Variants in AKAP11 observed in about 807,000 individuals in gnomAD.
The protein encoded by AKAP11 is A-kinase anchoring protein 11.
Under a neutral mutation model 146.1 loss-of-function variants are expected in AKAP11, and 36 were observed. The observed-to-expected ratio is 0.25, with a 90% CI of 0.19 to 0.33. AKAP11 has a LOEUF of 0.33. Among genes scored for constraint, AKAP11 ranks in the 10% least tolerant of loss-of-function variants. AKAP11 has a pLI of 1.00. For synonymous variants in AKAP11, 780 were observed against 786.5 expected (o/e 0.99, Z 0.14); for missense variants, 2,201 against 2,197.0 (o/e 1.00, Z -0.04).
At position 42,299,656 on chromosome 13, in the gene AKAP11, G is replaced by T; in HGVS notation, c.910G>T (p.Ala304Ser). 1 of 1,613,856 alleles carries T rather than the reference G, an allele frequency of 6.2e-7. No homozygotes were observed. The highest frequency in any genetic ancestry group is 8.5e-7 in the Non-Finnish European group (1 of 1,179,870). The change falls in exon 8 of 13, where the codon GCC (alanine) becomes TCC (serine). Residue 304 changes from alanine (A) to serine (S), a missense_variant. By Grantham distance (99) the Ala-to-Ser change is moderately conservative. Around this residue, in one of 3 missense-constraint regions of AKAP11, gnomAD observed 331 missense variants for 347.4 expected, o/e 0.95. Coordinates refer to ENST00000025301, the MANE Select transcript of AKAP11 (RefSeq NM_016248.4). Reference sequence around the variant, plus strand: ...GAAAACATTTTTTTCGTCTTCTCCTGCCTACTCATCTGAATCAGAATGTTC... The same window carrying T: ...GAAAACATTTTTTTCGTCTTCTCCTTCCTACTCATCTGAATCAGAATGTTC... ...LQKTFFSSSP[A>S]YSSESECSSP...
chr13:42,305,763 A>C (rs940662851), intron 8 of AKAP11, among the ~76,000 whole-genome samples: 15 of 152,184 alleles, frequency 9.9e-5, no homozygotes, highest in Non-Finnish European at 2.2e-4. Context: ...TCACACTGCT[A>C]TAAAGATACC....
At position 42,308,495 on chromosome 13, in the gene AKAP11, G is replaced by C. The variant is rs574662476; in HGVS notation, c.5159G>C (p.Ser1720Thr). Residue 1720 changes from serine (S) to threonine (T), a missense_variant, in exon 9 of 13, where the codon AGT becomes ACT. Transcript: ENST00000025301. ...GACTTTCAGTCAACCGAGTCTGTCA[G>C]TAGCCAGCAGATGAACCTCAGTATT... The part of the protein sequence containing the change: ...IEDFQSTESV[S>T]SQQMNLSIGD... 121 of 1,610,446 alleles carry C rather than the reference G, an allele frequency of 7.5e-5. No individual in the cohort carries two copies. In the South Asian group the frequency reaches 1.3e-3, roughly 17 times the overall value.
intron 4 of AKAP11, 148 bp downstream of exon 4, chr13:42,292,649 G>A (rs1259507803): frequency 2.2e-6 from 1 of 445,060 alleles, no homozygotes; most frequent in Non-Finnish European, 3.9e-6. Flanking sequence ...GTGGGCGGGA[G>A]AGGGGAAAAA....
chr13:42,309,223 ATTATGAGACAGTTGTTTC>A (rs1960432752), intron 9 of AKAP11, among the ~76,000 whole-genome samples: 2 of 152,226 alleles, frequency 1.3e-5, no homozygotes, highest in Non-Finnish European at 2.9e-5. Flanking sequence ...TATTTTATTA[ATTATGAGACAGTTGTTTC>A]TTATAGTCTT....
At chr13:42,283,283 A>G (rs1405892737) in intron 1 of AKAP11, among the ~76,000 whole-genome samples, 1 of 152,258 alleles carries the variant, frequency 6.6e-6, no homozygotes, top group African/African-American at 2.4e-5. Context: ...AGTGAAACAG[A>G]GTGTAAATAT....
Position 42,299,423 on chromosome 13 carries a change from A to G in AKAP11, c.677A>G (p.His226Arg). 1 of 1,613,888 alleles carries G rather than the reference A, an allele frequency of 6.2e-7. No homozygotes were observed. The change falls in exon 8 of 13, where the codon CAT (histidine) becomes CGT (arginine). Residue 226 changes from histidine to arginine, a missense_variant. This residue lies in a region of AKAP11 where 331 missense variants were observed against 347.4 expected (regional missense o/e 0.95). Transcript: ENST00000025301. ...GCTGCTTCCCAGACGGTTACTGGTC[A>G]TCATTTAGAAACCCATGATTTAAAG... ...CDAASQTVTG[H>R]HLETHDLKIL... is the part of the protein sequence containing the mutation.
intron 3 of AKAP11, among the ~76,000 whole-genome samples, chr13:42,288,616 C>A (rs893953007): frequency 2.0e-5 from 3 of 152,194 alleles, no homozygotes; most frequent in Non-Finnish European, 2.9e-5. Context: ...CCCAAAATAT[C>A]TTTTATAGTT....
chr13:42,295,285 A>G (rs1267720411), intron 4 of AKAP11, among the ~76,000 whole-genome samples: 1 of 152,178 alleles, frequency 6.6e-6, no homozygotes, highest in African/African-American at 2.4e-5. Flanking sequence ...GTAAGTGAAA[A>G]TGGTAGAAGG....
chr13:42,307,681 A>G (rs1329231445), intron 8 of AKAP11, among the ~76,000 whole-genome samples: 4 of 151,830 alleles, frequency 2.6e-5, no homozygotes, highest in Non-Finnish European at 5.9e-5. Flanking sequence ...GCCAGGGAGA[A>G]CATAGGAGGA....
chr13:42,286,485 G>A (rs1959167416), intron 3 of AKAP11, 86 bp downstream of exon 3: 14 of 960,546 alleles, frequency 1.5e-5, no homozygotes, highest in Middle Eastern at 5.1e-4. Flanking sequence ...ATGATGTTTT[G>A]TTTAAATGAA....
chr13:42,276,835 T>C (rs2138403528), intron 1 of AKAP11, among the ~76,000 whole-genome samples: 1 of 152,338 alleles, frequency 6.6e-6, no homozygotes, highest in African/African-American at 2.4e-5. Context: ...TCCTTATATC[T>C]GTAAGAGCTA....
chr13:42,272,524 C>T (rs548328972), intron 1 of AKAP11, among the ~76,000 whole-genome samples: 1 of 152,116 alleles, frequency 6.6e-6, no homozygotes, highest in Non-Finnish European at 1.5e-5. Context: ...GTGGAGCTGC[C>T]GCCCCTTTTA....
At chr13:42,317,360 T>G (rs993844773) in intron 11 of AKAP11, among the ~76,000 whole-genome samples, 168 bp from the exon 12 acceptor site, 1 of 152,248 alleles carries the variant, frequency 6.6e-6, no homozygotes, top group Non-Finnish European at 1.5e-5. Context: ...TATTTTGCCC[T>G]TTAGAAGTTT....
rs1295102765 is a variant in AKAP11, at chr13:42,322,133, A to G, written c.*2905A>G. 1 of 152,284 alleles carries G rather than the reference A, an allele frequency of 6.6e-6. No homozygotes were observed. Among genetic ancestry groups the G allele is most frequent in the Non-Finnish European group, 1.5e-5 (1 of 67,974 alleles). 9.4% of individuals were successfully genotyped at this position (152,284 alleles called of 1,614,324 possible). ...ATTTGATATAATTTAATGGTGTTAT[A>G]AAACCTTTAAGAGGATTCATGGTGA... is the stretch of plus-strand genomic sequence containing the variant. On this transcript the variant is annotated 3_prime_UTR_variant, in exon 13 of 13. Transcript: ENST00000025301.
At chr13:42,287,289 C>CTT (rs148655463) in intron 3 of AKAP11, among the ~76,000 whole-genome samples, 2 of 146,426 alleles carry the variant, frequency 1.4e-5, no homozygotes, top group Non-Finnish European at 3.0e-5. Context: ...ATGTTAATTA[C>CTT]TTTTTTTTTT....
chr13:42,313,055 A>C lies in AKAP11; in HGVS notation c.5282A>C (p.Asn1761Thr). 1 of 1,612,892 alleles carries C rather than the reference A, an allele frequency of 6.2e-7. No individual in the cohort carries two copies. Among genetic ancestry groups the C allele is most frequent in the Non-Finnish European group, 8.5e-7 (1 of 1,179,454 alleles). ...SFHHLSESNG[N>T]SSSWSSLGLE... ...TTTTCTTCCTCTGGCAGTAATGGTA[A>C]CAGCAGTAGCTGGAGCAGTCTTGGT... The change falls in exon 10 of 13, where the codon AAC becomes ACC. Residue 1761 changes from asparagine (N) to threonine (T), a missense_variant. Asn to Thr is a moderately conservative substitution (Grantham distance 65). Transcript: ENST00000025301.
In AKAP11 at chr13:42,272,235, C is replaced by G. The variant is rs1374769171; in HGVS notation, c.-100+7C>G. Reference sequence around the variant, plus strand: ...CGGAGGCTGCGGCCCCCAGGTGAGCCGGGCGCCGACGTGCTCGCCGCGGAG... The same window carrying G: ...CGGAGGCTGCGGCCCCCAGGTGAGCGGGGCGCCGACGTGCTCGCCGCGGAG... On this transcript the variant is annotated splice_region_variant and intron_variant, in intron 1 of 12. Transcript: ENST00000025301. The G allele has an allele frequency of 6.6e-6, 1 of 152,504 alleles. No individual in the cohort carries two copies. The highest frequency in any genetic ancestry group is 6.6e-5 in the Admixed American group (1 of 15,262). 9.4% of individuals were successfully genotyped at this position (152,504 alleles called of 1,614,324 possible).
intron 9 of AKAP11, among the ~76,000 whole-genome samples, chr13:42,311,203 C>T (rs1014610201): frequency 1.3e-5 from 2 of 152,164 alleles, no homozygotes; most frequent in East Asian, 1.9e-4. Flanking sequence ...TACTGGACCA[C>T]TGTAGTACTT....
Position 42,303,157 on chromosome 13 carries a change from G to C in AKAP11, c.4411G>C (p.Glu1471Gln), listed in dbSNP as rs757679625. The change falls in exon 8 of 13, where the codon GAA becomes CAA. Residue 1471 changes from glutamate (E) to glutamine (Q), a missense_variant. Around this residue, in one of 3 missense-constraint regions of AKAP11, gnomAD observed 1,867 missense variants for 1,833.5 expected, o/e 1.02. Transcript: ENST00000025301. ...TCACAGCATAACAAAAGATGCTAAG[G>C]AAGAGTTGACAGCCTCTCTAGTTGG... ...LVHSITKDAK[E>Q]ELTASLVGLP... 6.2e-7 allele frequency: 1 copy of C among 1,614,044 alleles called. No individual in the cohort carries two copies.
Sources: allele counts gnomAD v4.1 joint callset (sites outside exome capture counted in the v4.1 genomes callset), GRCh38; gene constraint gnomAD v4.1.1; regional missense constraint gnomAD v4.1.1; transcripts MANE v1.5; gene names NCBI Gene and HGNC (gene_info 2026-07-23, HGNC 2026-07-21).